Variants in MPHOSPH6 observed in about 807,000 individuals in gnomAD.
MPHOSPH6 encodes the protein M-phase phosphoprotein 6.
In MPHOSPH6, 25 loss-of-function variants were observed where a neutral mutation model predicts 21.8. The ratio of observed to expected loss-of-function variants is 1.15; its 90% CI spans 0.83 to 1.60. The LOEUF is 1.60. MPHOSPH6 is among the 40% of genes most tolerant of loss of function. The probability of loss-of-function intolerance (pLI) is 0.00; values close to 1 mark genes in which losing one functional copy is unlikely to be tolerated. For synonymous variants in MPHOSPH6, 84 were observed against 56.5 expected, an observed-to-expected ratio of 1.49 and a Z score of -2.18; for missense variants, 269 against 181.8, an observed-to-expected ratio of 1.48 and a Z score of -2.76.
intron 1 of MPHOSPH6, among the ~76,000 whole-genome samples, chr16:82,167,369 TCCC>T (rs2142420908): frequency 6.6e-6 from 1 of 152,298 alleles, no homozygotes; most frequent in Non-Finnish European, 1.5e-5. Context: ...TAAAAAGTGG[TCCC>T]CAACCTTTTT....
At chr16:82,165,121 A>ATTTTTTTTT (rs945085704) in intron 1 of MPHOSPH6, among the ~76,000 whole-genome samples, 1 of 48,626 alleles carries the variant, frequency 2.1e-5, no homozygotes, top group Non-Finnish European at 4.4e-5. Context: ...TTTCTTTTTT[A>ATTTTTTTTT]TTTTTTTTTT....
intron 2 of MPHOSPH6, among the ~76,000 whole-genome samples, chr16:82,159,163 G>A (rs916868606): frequency 2.0e-5 from 3 of 152,182 alleles, no homozygotes; most frequent in African/African-American, 7.2e-5. Flanking sequence ...AATACAACAT[G>A]CTTTAACAGG....
chr16:82,170,118 C>A lies in MPHOSPH6; in HGVS notation c.51+7G>T, dbSNP rs778707666. 4 of 1,590,426 alleles carry A rather than the reference C, an allele frequency of 2.5e-6. No individual in the cohort carries two copies. The highest frequency in any genetic ancestry group is 3.4e-6 in the Non-Finnish European group (4 of 1,168,738). On this transcript the variant is annotated splice_region_variant and intron_variant, in intron 1 of 4. Coordinates refer to ENST00000258169, the MANE Select transcript of MPHOSPH6 (RefSeq NM_005792.2). ...CGCCCGGAGTGGCGCTCTCAGCGTC[C>A]CCGCACCTTCATGCGCAGTAGATTC...
intron 2 of MPHOSPH6, 21 bp downstream of exon 2, chr16:82,164,061 T>G (rs889212584): frequency 1.3e-6 from 2 of 1,503,766 alleles, no homozygotes; most frequent in African/African-American, 2.8e-5. Context: ...GCATCATCAG[T>G]ATCAATTTTA....
chr16:82,162,527 G>A (rs779932092), intron 2 of MPHOSPH6, among the ~76,000 whole-genome samples: 7 of 152,158 alleles, frequency 4.6e-5, no homozygotes, highest in Non-Finnish European at 8.8e-5. Flanking sequence ...AATGGAGGTA[G>A]CAGCTCCTGT....
chr16:82,155,191 G>A (rs905241308), intron 2 of MPHOSPH6, among the ~76,000 whole-genome samples: 2 of 152,160 alleles, frequency 1.3e-5, no homozygotes, highest in African/African-American at 2.4e-5. Flanking sequence ...GAGTATCTCT[G>A]ACCACTGATC....
chr16:82,166,933 T>G (rs1245216171), intron 1 of MPHOSPH6, among the ~76,000 whole-genome samples: 1 of 152,150 alleles, frequency 6.6e-6, no homozygotes, highest in Non-Finnish European at 1.5e-5. Flanking sequence ...CAAGTTCGAT[T>G]CTCCTACTCT....
Position 82,148,659 on chromosome 16 carries a change from C to T in MPHOSPH6, c.*72G>A. On this transcript the variant is annotated 3_prime_UTR_variant, in exon 5 of 5. Transcript: ENST00000258169. ...ACAGTATTAATAACTATAGAGACAC[C>T]ATTGGGATGAGCTCCAGATGCCCTG... 8 of 1,552,050 alleles carry T rather than the reference C, an allele frequency of 5.2e-6. No individual in the cohort carries two copies. Among genetic ancestry groups the T allele is most frequent in the Non-Finnish European group, 7.0e-6 (8 of 1,142,172 alleles).
intron 2 of MPHOSPH6, among the ~76,000 whole-genome samples, chr16:82,153,221 T>C (rs1906323236): frequency 6.6e-6 from 1 of 152,216 alleles, no homozygotes; most frequent in South Asian, 2.1e-4. Flanking sequence ...GAAACATTTA[T>C]ATCACACAAT....
intron 1 of MPHOSPH6, among the ~76,000 whole-genome samples, chr16:82,169,509 C>G (rs1906900629): frequency 6.6e-6 from 1 of 152,198 alleles, no homozygotes; most frequent in Non-Finnish European, 1.5e-5. Context: ...TACTGGCCCA[C>G]CCTGCAGATT....
At chr16:82,159,093 A>T (rs985769535) in intron 2 of MPHOSPH6, among the ~76,000 whole-genome samples, 2 of 152,178 alleles carry the variant, frequency 1.3e-5, no homozygotes, top group Non-Finnish European at 2.9e-5. Context: ...CCATTGAGAT[A>T]CTCCTCTCTT....
At chr16:82,167,914 G>C (rs61198904) in intron 1 of MPHOSPH6, among the ~76,000 whole-genome samples, 10,996 of 152,196 alleles carry the variant, frequency 0.072, 573 homozygotes, top group African/African-American at 0.14. Flanking sequence ...ATAGGACTTA[G>C]CTCTGGTTAA....
intron 2 of MPHOSPH6, among the ~76,000 whole-genome samples, chr16:82,161,435 A>G (rs1906604881): frequency 6.6e-6 from 1 of 152,022 alleles, no homozygotes; most frequent in African/African-American, 2.4e-5. Context: ...CTTCTTAAAC[A>G]ACTTGCTACG....
At chr16:82,165,624 TTTTTATTGTACC>T (rs1311641887) in intron 1 of MPHOSPH6, among the ~76,000 whole-genome samples, 1 of 108,682 alleles carries the variant, frequency 9.2e-6, no homozygotes, top group Admixed American at 1.1e-4. Flanking sequence ...CAATGCTGCA[TTTTTATTGTACC>T]TTTTCTATAT....
At chr16:82,169,044 C>A (rs1055488657) in intron 1 of MPHOSPH6, among the ~76,000 whole-genome samples, 2 of 152,192 alleles carry the variant, frequency 1.3e-5, no homozygotes, top group South Asian at 4.1e-4. Flanking sequence ...CCTGTAGTCA[C>A]CTCAAAGTGT....
At chr16:82,158,305 G>A (rs113807390) in intron 2 of MPHOSPH6, among the ~76,000 whole-genome samples, 17,676 of 149,482 alleles carry the variant, frequency 0.12, 1,286 homozygotes, top group East Asian at 0.29. Context: ...TGGCTAATAC[G>A]ATGAAACCCT....
intron 3 of MPHOSPH6, among the ~76,000 whole-genome samples, chr16:82,149,929 T>A (rs16956550): frequency 6.6e-6 from 1 of 151,786 alleles, no homozygotes; most frequent in African/African-American, 2.4e-5. Flanking sequence ...GAGTGGATAA[T>A]GCATCCCATG....
chr16:82,162,133 C>G lies in MPHOSPH6; in HGVS notation c.164+1949G>C, dbSNP rs1265615069. 4 of 152,310 alleles carry G rather than the reference C, an allele frequency of 2.6e-5. No homozygotes were observed. In the East Asian group the frequency reaches 5.8e-4, roughly 22 times the overall value. The allele number at this position is 152,310 out of a possible 1,614,324, so 9.4% of individuals were successfully genotyped here. A position where few individuals can be genotyped will look rare whatever the true frequency, so the allele number is the denominator to read the frequency against. ...GACTGTTTTACATATATTACCTCATCTACTTCTCGGAATGTACTGGACAGG... is the reference window on the plus strand; with the variant it reads ...GACTGTTTTACATATATTACCTCATGTACTTCTCGGAATGTACTGGACAGG... On this transcript the variant is annotated intron_variant, in intron 2 of 4. Transcript: ENST00000258169.
At chr16:82,149,169 A>T in intron 4 of MPHOSPH6, 140 bp downstream of exon 4, 1 of 928,994 alleles carries the variant, frequency 1.1e-6, no homozygotes, top group Non-Finnish European at 1.7e-6. Flanking sequence ...GTAGGCCATT[A>T]AGAGAAGGCC....
Sources: gnomAD v4.1 joint callset for allele counts (sites outside exome capture counted in the v4.1 genomes callset) on GRCh38, gnomAD v4.1.1 for gene constraint, MANE v1.5 for transcripts, NCBI Gene and HGNC (gene_info 2026-07-23, HGNC 2026-07-21) for gene names.